PCNX2: variants seen among roughly 807,000 people sequenced by gnomAD.
PCNX2 encodes pecanex-like protein 2.
A neutral mutation model predicts 223.8 loss-of-function variants in PCNX2; 168 were observed. That is an observed-to-expected ratio of 0.75 (90% CI 0.66 to 0.85). PCNX2 has a LOEUF of 0.85. Among genes scored for constraint, PCNX2 ranks in the 40% least tolerant of loss-of-function variants. PCNX2 has a pLI of 0.00. For missense variants in PCNX2, 2,507 were observed against 2,675.5 expected, an observed-to-expected ratio of 0.94 and a Z score of 1.39; for synonymous variants, 1,006 against 1,052.6, an observed-to-expected ratio of 0.96 and a Z score of 0.86.
chr1:233,288,109 G>A (rs1661549530), intron 1 of PCNX2, among the ~76,000 whole-genome samples: 1 of 152,178 alleles, frequency 6.6e-6, no homozygotes, highest in Admixed American at 6.5e-5. Flanking sequence ...AGGAGATTTA[G>A]AGAAGACGAT....
intron 1 of PCNX2, among the ~76,000 whole-genome samples, chr1:233,276,251 A>G (rs901352853): frequency 5.3e-5 from 8 of 152,208 alleles, no homozygotes; most frequent in Admixed American, 3.9e-4. Flanking sequence ...TTCCACTTAT[A>G]TGAGGTAACT....
At chr1:233,281,272 A>G (rs1661180911) in intron 1 of PCNX2, among the ~76,000 whole-genome samples, 2 of 152,220 alleles carry the variant, frequency 1.3e-5, no homozygotes, top group South Asian at 4.1e-4. Context: ...CAGAAATAAC[A>G]AAAGACAAGT....
chr1:233,191,319 C>T lies in PCNX2; in HGVS notation c.3066+7620G>A, dbSNP rs552823048. ...TGTGTCGACTATCACAGAATACGAACGTTTCAACTTCTGCATCAGTTACAG... is the reference window on the plus strand; with the variant it reads ...TGTGTCGACTATCACAGAATACGAATGTTTCAACTTCTGCATCAGTTACAG... On this transcript the variant is annotated intron_variant, in intron 15 of 33. Transcript: ENST00000258229. 2.0e-5 allele frequency among the ~76,000 whole-genome samples: 3 copies of T among 152,290 alleles called. No individual in the cohort carries two copies. In the South Asian group the frequency reaches 6.2e-4, roughly 32 times the overall value.
chr1:233,040,666 C>T (rs1203155056), intron 25 of PCNX2, among the ~76,000 whole-genome samples: 1 of 152,072 alleles, frequency 6.6e-6, no homozygotes, highest in Non-Finnish European at 1.5e-5. Context: ...AAGATTGTGG[C>T]TCTAGCTCAG....
At chr1:233,237,727 T>C (rs535881958) in intron 8 of PCNX2, among the ~76,000 whole-genome samples, 3 of 152,330 alleles carry the variant, frequency 2.0e-5, no homozygotes, top group Admixed American at 6.5e-5. Context: ...TCTCACAGAA[T>C]GTCTCCTAAC....
intron 1 of PCNX2, chr1:233,290,801 A>G: frequency 1.0e-6 from 1 of 985,468 alleles, no homozygotes; most frequent in Non-Finnish European, 1.2e-6. Flanking sequence ...AGTCTGGCTA[A>G]AGTTAAAGGA....
At chr1:233,234,945 T>G (rs1394170970) in intron 9 of PCNX2, among the ~76,000 whole-genome samples, 1 of 151,572 alleles carries the variant, frequency 6.6e-6, no homozygotes, top group Non-Finnish European at 1.5e-5. Context: ...GCTGACAGTG[T>G]GTGCAGAACA....
chr1:233,092,698 T>G (rs1352371312), intron 22 of PCNX2, among the ~76,000 whole-genome samples: 1 of 152,242 alleles, frequency 6.6e-6, no homozygotes, highest in Non-Finnish European at 1.5e-5. Flanking sequence ...TCTTTATTTC[T>G]TTCTAAGAGA....
rs534856627 is a variant in PCNX2, at chr1:233,052,956, C to T, written c.4351+1312G>A. Among the ~76,000 whole-genome samples the T allele has an allele frequency of 5.9e-5, 9 of 151,930 alleles. No individual in the cohort carries two copies. The East Asian group carries it at 1.8e-3, about 30-fold the overall frequency. On this transcript the variant is annotated intron_variant, in intron 25 of 33. Coordinates refer to ENST00000258229, the MANE Select transcript of PCNX2 (RefSeq NM_014801.4). ...AGCCCTTCTGATTCCACCTCCCAGT[C>T]TCTGGGCACTTCCCTGTCTCTGCCA...
chr1:233,292,611 A>G (rs1296992212), intron 1 of PCNX2, among the ~76,000 whole-genome samples: 1 of 152,216 alleles, frequency 6.6e-6, no homozygotes, highest in Non-Finnish European at 1.5e-5. Flanking sequence ...GCAGTCAGGT[A>G]TCTTCTTGGA....
chr1:233,223,630 A>T (rs1011604230), intron 10 of PCNX2, among the ~76,000 whole-genome samples: 4 of 151,970 alleles, frequency 2.6e-5, no homozygotes, highest in Non-Finnish European at 5.9e-5. Flanking sequence ...ACCCCCTGAC[A>T]GGCCCCGGTG....
At chr1:233,039,570 A>G (rs1357528787) in intron 25 of PCNX2, among the ~76,000 whole-genome samples, 2 of 152,216 alleles carry the variant, frequency 1.3e-5, no homozygotes, top group African/African-American at 4.8e-5. Flanking sequence ...TCCTACCATG[A>G]GCCAGTCAAT....
At chr1:233,046,237 G>C (rs1413063783) in intron 25 of PCNX2, among the ~76,000 whole-genome samples, 1 of 152,178 alleles carries the variant, frequency 6.6e-6, no homozygotes, top group African/African-American at 2.4e-5. Context: ...TATTTTGACT[G>C]CCTCAGGTTG....
intron 1 of PCNX2, among the ~76,000 whole-genome samples, chr1:233,270,474 GCCC>G (rs1297485757): frequency 6.6e-6 from 1 of 152,046 alleles, no homozygotes; most frequent in East Asian, 1.9e-4. Context: ...ACAGGAACCT[GCCC>G]CCGACAGGTT....
chr1:233,118,849 TA>T (rs1376955455), intron 21 of PCNX2, among the ~76,000 whole-genome samples: 3 of 152,070 alleles, frequency 2.0e-5, no homozygotes, highest in African/African-American at 7.2e-5. Flanking sequence ...ACAGATGCAA[TA>T]AAAATTAACC....
intron 23 of PCNX2, chr1:233,086,962 AG>A (rs1203994015): frequency 7.7e-6 from 7 of 909,976 alleles, no homozygotes; most frequent in Admixed American, 6.2e-5. Flanking sequence ...GTGGGCAGAG[AG>A]TAGCAAGCAG....
the PCNX2 span, among the ~76,000 whole-genome samples, chr1:233,323,198 C>A: frequency 6.6e-6 from 1 of 152,188 alleles, no homozygotes; most frequent in Admixed American, 6.5e-5. Flanking sequence ...ATCCCACTTG[C>A]TGAGAATAGT....
intron 21 of PCNX2, among the ~76,000 whole-genome samples, chr1:233,105,607 T>C (rs1674723109): frequency 6.6e-6 from 1 of 152,128 alleles, no homozygotes; most frequent in Admixed American, 6.6e-5. Context: ...AAGTACAGTT[T>C]GGGAGATTTT....
intron 17 of PCNX2, among the ~76,000 whole-genome samples, chr1:233,174,806 G>A (rs1302249679): frequency 1.3e-5 from 2 of 152,118 alleles, no homozygotes; most frequent in African/African-American, 4.8e-5. Flanking sequence ...TTAGCGGAAA[G>A]TTTATATCTT....
Sources: gnomAD v4.1 joint callset for allele counts (sites outside exome capture counted in the v4.1 genomes callset) on GRCh38, gnomAD v4.1.1 for gene constraint, MANE v1.5 for transcripts, NCBI Gene and HGNC (gene_info 2026-07-23, HGNC 2026-07-21) for gene names.